The following HHAT variants were observed in gnomAD, a reference collection of about 807,000 sequenced individuals.
The protein encoded by HHAT is hedgehog acyltransferase, also known as protein-cysteine N-palmitoyltransferase HHAT.
Under a neutral mutation model 70.8 loss-of-function variants are expected in HHAT, and 47 were observed. The ratio of observed to expected loss-of-function variants is 0.66; its 90% CI spans 0.53 to 0.85. HHAT has a LOEUF of 0.85. Ranked by LOEUF, HHAT falls within the 40% of genes least tolerant of loss-of-function variation. The pLI is 0.00. For synonymous variants in HHAT, 228 were observed against 247.6 expected (o/e 0.92, Z 0.74); for missense variants, 609 against 604.8 (o/e 1.01, Z -0.07).
chr1:210,504,062 T>C (rs895177733), intron 8 of HHAT, among the ~76,000 whole-genome samples: 1 of 152,194 alleles, frequency 6.6e-6, no homozygotes, highest in African/African-American at 2.4e-5. Flanking sequence ...TTCAAAGACA[T>C]TTTCAGAAAA....
At chr1:210,447,045 C>T (rs2093649402) in intron 7 of HHAT, among the ~76,000 whole-genome samples, 1 of 151,956 alleles carries the variant, frequency 6.6e-6, no homozygotes, top group Non-Finnish European at 1.5e-5. Context: ...AGGCTAAACC[C>T]CTTTATAGGT....
At chr1:210,420,469 T>C (rs2092865052) in intron 7 of HHAT, among the ~76,000 whole-genome samples, 1 of 152,172 alleles carries the variant, frequency 6.6e-6, no homozygotes, top group African/African-American at 2.4e-5. Context: ...TTGGAGCTCA[T>C]GTGTAAGGGT....
At chr1:210,355,135 C>T (rs2087478068) in intron 2 of HHAT, among the ~76,000 whole-genome samples, 1 of 152,132 alleles carries the variant, frequency 6.6e-6, no homozygotes, top group African/African-American at 2.4e-5. Context: ...CTGATCTACA[C>T]TAAAGGTATT....
chr1:210,359,137 G>C (rs2087972872), intron 2 of HHAT, among the ~76,000 whole-genome samples: 1 of 152,182 alleles, frequency 6.6e-6, no homozygotes, highest in East Asian at 1.9e-4. Flanking sequence ...GTGTGATGGG[G>C]AGAGAATTCC....
intron 3 of HHAT, among the ~76,000 whole-genome samples, chr1:210,384,367 C>A (rs910165451): frequency 6.6e-6 from 1 of 152,042 alleles, no homozygotes; most frequent in African/African-American, 2.4e-5. Flanking sequence ...TGGTACGGGG[C>A]GGGCTGAGCT....
intron 7 of HHAT, among the ~76,000 whole-genome samples, chr1:210,431,422 A>G (rs1419116953): frequency 6.6e-6 from 1 of 151,716 alleles, no homozygotes; most frequent in Non-Finnish European, 1.5e-5. Context: ...TTATATATAT[A>G]TTTTTGGTCT....
intron 11 of HHAT, among the ~76,000 whole-genome samples, chr1:210,654,810 A>G (rs959184017): frequency 2.6e-5 from 4 of 152,226 alleles, no homozygotes; most frequent in Non-Finnish European, 4.4e-5. Context: ...AGCCTAGGTC[A>G]GTACTCCTCC....
intron 10 of HHAT, among the ~76,000 whole-genome samples, chr1:210,610,537 A>G (rs1486682558): frequency 1.5e-5 from 2 of 133,904 alleles, no homozygotes; most frequent in East Asian, 2.0e-4. Flanking sequence ...CCATTTGTCA[A>G]TTTTTGCTTT....
intron 11 of HHAT, among the ~76,000 whole-genome samples, chr1:210,671,303 C>T (rs1680027501): frequency 6.6e-6 from 1 of 152,216 alleles, no homozygotes; most frequent in Non-Finnish European, 1.5e-5. Flanking sequence ...CCTCATCCTG[C>T]TCCCTGAACC....
intron 9 of HHAT, among the ~76,000 whole-genome samples, chr1:210,545,881 T>A (rs567749470): frequency 6.6e-6 from 1 of 152,368 alleles, no homozygotes; most frequent in South Asian, 2.1e-4. Flanking sequence ...TTCTTCCCTG[T>A]TGGACTGTAA....
At chr1:210,348,887 C>G in intron 1 of HHAT, 46 bp from the exon 2 acceptor site, 2 of 1,552,622 alleles carry the variant, frequency 1.3e-6, no homozygotes, top group Non-Finnish European at 1.7e-6. Flanking sequence ...AGATGCTGTT[C>G]TCTAGTGTCA....
At chr1:210,553,937 G>A (rs1012325733) in intron 9 of HHAT, among the ~76,000 whole-genome samples, 1 of 152,076 alleles carries the variant, frequency 6.6e-6, no homozygotes, top group African/African-American at 2.4e-5. Flanking sequence ...CCCTGAAATT[G>A]TTCTCTTCCC....
chr1:210,456,160 T>C (rs757425205), intron 7 of HHAT, among the ~76,000 whole-genome samples: 3 of 152,252 alleles, frequency 2.0e-5, no homozygotes, highest in Non-Finnish European at 4.4e-5. Flanking sequence ...AAAGGAATTA[T>C]GCAGCCAGAA....
intron 4 of HHAT, among the ~76,000 whole-genome samples, chr1:210,396,501 A>G (rs540813441): frequency 3.3e-4 from 51 of 152,362 alleles, no homozygotes; most frequent in Admixed American, 7.2e-4. Flanking sequence ...GGAAAGTATA[A>G]TGCTACAGCC....
intron 2 of HHAT, among the ~76,000 whole-genome samples, chr1:210,359,899 T>C (rs2088079147): frequency 6.6e-6 from 1 of 152,142 alleles, no homozygotes; most frequent in Non-Finnish European, 1.5e-5. Context: ...CTCCGAATTT[T>C]TGGGAGACTG....
At chr1:210,474,518 C>G (rs1455015682) in intron 8 of HHAT, among the ~76,000 whole-genome samples, 1 of 152,148 alleles carries the variant, frequency 6.6e-6, no homozygotes, top group East Asian at 1.9e-4. Context: ...ACCTACCAGC[C>G]TAAGTGCCTT....
At chr1:210,536,101 G>C (rs2095369361) in intron 9 of HHAT, among the ~76,000 whole-genome samples, 1 of 152,162 alleles carries the variant, frequency 6.6e-6, no homozygotes, top group South Asian at 2.1e-4. Context: ...AATTCCTTTT[G>C]AAAGTATTTT....
At chr1:210,619,157 A>T (rs772918384) in intron 10 of HHAT, among the ~76,000 whole-genome samples, 39 of 152,266 alleles carry the variant, frequency 2.6e-4, no homozygotes, top group Middle Eastern at 3.4e-3. Context: ...AAGAGTGGGT[A>T]TATTCACATT....
intron 8 of HHAT, among the ~76,000 whole-genome samples, chr1:210,500,020 G>A (rs6662350): frequency 0.014 from 2,074 of 152,224 alleles, 53 homozygotes; most frequent in African/African-American, 0.048. Flanking sequence ...CCTGGTTATG[G>A]CAAAAAGTCT....
Sources: allele counts gnomAD v4.1 joint callset (sites outside exome capture counted in the v4.1 genomes callset), GRCh38; gene constraint gnomAD v4.1.1; transcripts MANE v1.5; gene names NCBI Gene and HGNC (gene_info 2026-07-23, HGNC 2026-07-21).